The following SDK1 variants were observed in gnomAD, a reference collection of about 807,000 sequenced individuals.
The protein encoded by SDK1 is sidekick cell adhesion molecule 1, also known as protein sidekick-1.
In SDK1, 157 loss-of-function variants were observed where a neutral mutation model predicts 245.5. The observed-to-expected ratio is 0.64, with a 90% CI of 0.56 to 0.73. The LOEUF is 0.73. Among genes scored for constraint, SDK1 ranks in the 30% least tolerant of loss-of-function variants. The pLI is 0.00. For synonymous variants in SDK1, 1,647 were observed against 1,278.5 expected, an observed-to-expected ratio of 1.29 and a Z score of -6.15; for missense variants, 3,583 against 3,002.3, an observed-to-expected ratio of 1.19 and a Z score of -4.52.
At chr7:4,194,356 ATGCACGTATG>A (rs879651810) in intron 35 of SDK1, among the ~76,000 whole-genome samples, 4,832 of 126,386 alleles carry the variant, frequency 0.038, 368 homozygotes, top group Middle Eastern at 0.048. Flanking sequence ...AGATATATGT[ATGCACGTATG>A]TGTATACATG....
At chr7:3,436,066 C>G (rs958414161) in intron 1 of SDK1, among the ~76,000 whole-genome samples, 27 of 152,244 alleles carry the variant, frequency 1.8e-4, no homozygotes, top group African/African-American at 5.3e-4. Context: ...GAGTTTAAAT[C>G]CATGATTGTT....
rs756180206 is a variant in SDK1 at position 3,971,568 on chromosome 7, G to T, written c.1817G>T (p.Arg606Leu). 1 of 1,605,322 alleles carries T rather than the reference G, an allele frequency of 6.2e-7. No individual in the cohort carries two copies. The highest frequency in any genetic ancestry group is 8.5e-7 in the Non-Finnish European group (1 of 1,173,824). Residue 606 changes from arginine to leucine, a missense_variant and splice_region_variant, in exon 12 of 45, where the codon CGC becomes CTC. Transcript: ENST00000404826. ...ACACATGACCCCCGGGTTTCACTCCGGTCAGCACAATCAGTTACAATGCTT... is the reference window on the plus strand; with the variant it reads ...ACACATGACCCCCGGGTTTCACTCCTGTCAGCACAATCAGTTACAATGCTT... The part of the protein sequence containing the change: ...GATHDPRVSL[R>L]YVWKKDNVAL...
chr7:3,875,837 G>T (rs966171894), intron 5 of SDK1, among the ~76,000 whole-genome samples: 16 of 152,186 alleles, frequency 1.1e-4, no homozygotes, highest in South Asian at 4.2e-4. Context: ...CCACCTTCAG[G>T]CCCCTTAATA....
chr7:3,559,146 C>G (rs542181096), intron 1 of SDK1, among the ~76,000 whole-genome samples: 3 of 152,062 alleles, frequency 2.0e-5, no homozygotes, highest in East Asian at 1.9e-4. Context: ...GCTGAACTTA[C>G]GATATATAGA....
chr7:3,607,292 C>A (rs909359668), intron 1 of SDK1, among the ~76,000 whole-genome samples: 1 of 152,152 alleles, frequency 6.6e-6, no homozygotes, highest in Admixed American at 6.5e-5. Flanking sequence ...AGGGGGAAAT[C>A]ATACATAAAT....
chr7:3,398,117 T>G (rs933945595), intron 1 of SDK1, among the ~76,000 whole-genome samples: 1 of 152,114 alleles, frequency 6.6e-6, no homozygotes, highest in Non-Finnish European at 1.5e-5. Context: ...TTTCTGTAAC[T>G]GTAGGTTTTC....
Position 3,418,715 on chromosome 7 carries a change from A to G in SDK1, c.298+116831A>G, listed in dbSNP as rs139479694. On this transcript the variant is annotated intron_variant, in intron 1 of 44. Transcript: ENST00000404826. The stretch of plus-strand genomic sequence containing the variant: ...GGTGCCATGGGCAGATACATCGGCG[A>G]TACTGTTACATAGTCCAGGATGTTC... 7.7e-4 allele frequency among the ~76,000 whole-genome samples: 117 copies of G among 152,310 alleles called. 1 individual carries two copies. In the East Asian group the frequency reaches 0.021, roughly 28 times the overall value.
At chr7:3,808,542 G>T (rs996705727) in intron 4 of SDK1, among the ~76,000 whole-genome samples, 3 of 152,320 alleles carry the variant, frequency 2.0e-5, no homozygotes, top group Admixed American at 6.5e-5. Context: ...GACCTGCACC[G>T]TGAGGCAGAA....
At chr7:3,983,953 C>T (rs553746567) in intron 13 of SDK1, among the ~76,000 whole-genome samples, 5 of 152,288 alleles carry the variant, frequency 3.3e-5, no homozygotes, top group African/African-American at 1.2e-4. Flanking sequence ...CACTGCCAGG[C>T]GGGTAGCTCT....
At chr7:3,452,284 C>T (rs1411254277) in intron 1 of SDK1, among the ~76,000 whole-genome samples, 6 of 152,128 alleles carry the variant, frequency 3.9e-5, no homozygotes, top group African/African-American at 1.4e-4. Flanking sequence ...TTCTTAGGTG[C>T]TGGCTTTATG....
At chr7:3,843,802 C>A (rs1377281021) in intron 5 of SDK1, among the ~76,000 whole-genome samples, 1 of 151,966 alleles carries the variant, frequency 6.6e-6, no homozygotes, top group East Asian at 1.9e-4. Context: ...GAGCTTGAGC[C>A]AGATGAACTC....
chr7:4,047,226 G>A (rs1426247015), intron 17 of SDK1, among the ~76,000 whole-genome samples: 3 of 152,090 alleles, frequency 2.0e-5, no homozygotes, highest in African/African-American at 7.2e-5. Context: ...TTTGCCGAAT[G>A]CTTTTCCTAA....
At chr7:3,904,366 C>G (rs931161266) in intron 5 of SDK1, among the ~76,000 whole-genome samples, 6 of 152,108 alleles carry the variant, frequency 3.9e-5, no homozygotes, top group African/African-American at 1.2e-4. Flanking sequence ...CTAGGAAGTG[C>G]TACACAACCT....
In SDK1 at chr7:3,626,425, T is replaced by G. The variant is rs187059304; in HGVS notation, c.458+7186T>G. On this transcript the variant is annotated intron_variant, in intron 2 of 44. Coordinates refer to ENST00000404826, the MANE Select transcript of SDK1 (RefSeq NM_152744.4). ...TAGTAGAACAAGCTATTTTTCTTAC[T>G]GGACCAAGTCTCAAGGCTATAATTG... Among the ~76,000 whole-genome samples the G allele has an allele frequency of 2.7e-3, 414 of 152,380 alleles. 2 individuals carry two copies. Among genetic ancestry groups the G allele is most frequent in the Admixed American group, 5.7e-3 (88 of 15,312 alleles).
intron 4 of SDK1, among the ~76,000 whole-genome samples, chr7:3,763,149 G>C (rs1480310140): frequency 6.6e-6 from 1 of 152,048 alleles, no homozygotes; most frequent in Non-Finnish European, 1.5e-5. Context: ...TTAATAATGA[G>C]TAATTTGTCT....
chr7:3,587,797 A>T (rs919625859), intron 1 of SDK1, among the ~76,000 whole-genome samples: 1 of 152,238 alleles, frequency 6.6e-6, no homozygotes. Context: ...AGTGTTATCT[A>T]GCTTTCCATG....
chr7:3,629,522 C>G (rs1216757909), intron 2 of SDK1, among the ~76,000 whole-genome samples: 1 of 152,090 alleles, frequency 6.6e-6, no homozygotes, highest in Non-Finnish European at 1.5e-5. Flanking sequence ...TCTCACCAGC[C>G]AAATCGTAAA....
chr7:3,537,358 A>G (rs899156384), intron 1 of SDK1, among the ~76,000 whole-genome samples: 3 of 152,192 alleles, frequency 2.0e-5, no homozygotes, highest in Admixed American at 6.5e-5. Flanking sequence ...GGGAAGTGCT[A>G]GAGCCAGGGC....
Position 3,861,259 on chromosome 7 carries a change from C to T in SDK1, c.847+39676C>T, listed in dbSNP as rs117541921. On this transcript the variant is annotated intron_variant, in intron 5 of 44. Transcript: ENST00000404826. ...TTATATGCAAAGGTCAGTGAAGCGC[C>T]GTGCAAAAAGATCAGGAAAGACATT... is the stretch of plus-strand genomic sequence containing the variant. Among the ~76,000 whole-genome samples, 229 of 152,234 alleles carry T rather than the reference C, an allele frequency of 1.5e-3. 2 individuals carry two copies. Among genetic ancestry groups the T allele is most frequent in the Non-Finnish European group, 2.5e-3 (167 of 68,020 alleles).
Sources: gnomAD v4.1 joint callset for allele counts (sites outside exome capture counted in the v4.1 genomes callset) on GRCh38, gnomAD v4.1.1 for gene constraint, MANE v1.5 for transcripts, NCBI Gene and HGNC (gene_info 2026-07-23, HGNC 2026-07-21) for gene names.